PPP2R5D: variants seen among roughly 807,000 people sequenced by gnomAD.
The protein encoded by PPP2R5D is protein phosphatase 2 regulatory subunit B'delta, also known as serine/threonine-protein phosphatase 2A 56 kDa regulatory subunit delta isoform.
PPP2R5D carries 12 observed loss-of-function variants against 79.1 expected under a neutral mutation model. The ratio of observed to expected loss-of-function variants is 0.15; its 90% CI spans 0.10 to 0.25. The LOEUF is 0.25. Ranked by LOEUF, PPP2R5D falls within the 10% of genes least tolerant of loss-of-function variation. The pLI is 1.00. For missense variants in PPP2R5D, 419 were observed against 760.2 expected, an observed-to-expected ratio of 0.55 and a Z score of 5.28; for synonymous variants, 277 against 286.6, an observed-to-expected ratio of 0.97 and a Z score of 0.34.
chr6:43,003,584 C>G (rs1012065402), intron 2 of PPP2R5D, among the ~76,000 whole-genome samples: 1 of 152,106 alleles, frequency 6.6e-6, no homozygotes, highest in Non-Finnish European at 1.5e-5. Flanking sequence ...TCTAATTCTA[C>G]TACAGGAGAT....
At position 43,009,031 on chromosome 6, in the gene PPP2R5D, A is replaced by G; in HGVS notation, c.1081-26A>G. Reference sequence around the variant, plus strand: ...ACCTAGGCAGGTGCAAAGAATTTTCATCCCCATGCCCTCCTTGTCTCCCAG... The same window carrying G: ...ACCTAGGCAGGTGCAAAGAATTTTCGTCCCCATGCCCTCCTTGTCTCCCAG... On this transcript the variant is annotated intron_variant, in intron 10 of 15. Transcript: ENST00000485511. The surrounding 1 kb of genome is among the most constrained non-coding windows in gnomAD (Gnocchi z 5.6). 1.2e-6 allele frequency: 2 copies of G among 1,607,098 alleles called. No homozygotes were observed. Among genetic ancestry groups the G allele is most frequent in the South Asian group, 2.2e-5 (2 of 90,518 alleles).
chr6:43,003,729 T>C (rs1207344618), intron 2 of PPP2R5D, among the ~76,000 whole-genome samples: 1 of 152,024 alleles, frequency 6.6e-6, no homozygotes, highest in Non-Finnish European at 1.5e-5. Context: ...TTTTTATGTA[T>C]GTATGTATGT....
At chr6:43,004,205 T>C (rs892305641) in intron 2 of PPP2R5D, among the ~76,000 whole-genome samples, 1 of 151,970 alleles carries the variant, frequency 6.6e-6, no homozygotes, top group Non-Finnish European at 1.5e-5. Flanking sequence ...TGTATTTTAG[T>C]AGAGACAGGG....
chr6:43,009,133 A>C lies in PPP2R5D; in HGVS notation c.1157A>C (p.Glu386Ala). 3 of 1,614,032 alleles carry C rather than the reference A, an allele frequency of 1.9e-6. No homozygotes were observed. The highest frequency in any genetic ancestry group is 2.5e-6 in the Non-Finnish European group (3 of 1,180,004). ...GTGATGTTCTTGAATGAGCTGGAGG[A>C]GATTCTGGACGTCATTGAACCTTCT... ...KEVMFLNELEEILDVIEPSEF... is the reference protein window; with the variant it reads ...KEVMFLNELEAILDVIEPSEF... Residue 386 changes from glutamate (E) to alanine (A), a missense_variant, in exon 11 of 16, where the codon GAG (glutamate) becomes GCG (alanine). Glu to Ala is a moderately radical substitution (Grantham distance 107). Coordinates refer to ENST00000485511, the MANE Select transcript of PPP2R5D (RefSeq NM_006245.4). This position sits in a 1 kb window ranked among gnomAD's most constrained non-coding sequence, Gnocchi z 5.6.
chr6:42,997,805 C>T (rs956655252), intron 2 of PPP2R5D, among the ~76,000 whole-genome samples: 1 of 151,158 alleles, frequency 6.6e-6, no homozygotes, highest in Non-Finnish European at 1.5e-5. Flanking sequence ...CTCAGCCTCC[C>T]AAACTGCTGG....
Position 43,008,502 on chromosome 6 carries a change from C to G in PPP2R5D, c.1026+27C>G, listed in dbSNP as rs765620576. ...TGAGCTGCCTTCCTCCTTATAATGT[C>G]CAACTCAGGCAGCAGAGAAAAGAGC... On this transcript the variant is annotated intron_variant, in intron 9 of 15. Transcript: ENST00000485511. This position sits in a 1 kb window ranked among gnomAD's most constrained non-coding sequence, Gnocchi z 4.2. 6.4e-7 allele frequency: 1 copy of G among 1,573,194 alleles called. No individual in the cohort carries two copies. Among genetic ancestry groups the G allele is most frequent in the South Asian group, 1.1e-5 (1 of 90,180 alleles).
rs1762280494 is a variant in PPP2R5D, at chr6:43,010,111, G to A, written c.1380-357G>A. Among the ~76,000 whole-genome samples, 1 of 152,070 alleles carries A rather than the reference G, an allele frequency of 6.6e-6. No individual in the cohort carries two copies. Among genetic ancestry groups the A allele is most frequent in the African/African-American group, 2.4e-5 (1 of 41,378 alleles). On this transcript the variant is annotated intron_variant, in intron 12 of 15. Coordinates refer to ENST00000485511, the MANE Select transcript of PPP2R5D (RefSeq NM_006245.4). This position sits in a 1 kb window ranked among gnomAD's most constrained non-coding sequence, Gnocchi z 4.7. ...TTTTGAAAAGACTTTTCTGCTAAAAGCAAGCACACTGTGGTGTAGATGCAG... is the reference window on the plus strand; with the variant it reads ...TTTTGAAAAGACTTTTCTGCTAAAAACAAGCACACTGTGGTGTAGATGCAG...
Position 43,006,546 on chromosome 6 carries a change from G to A in PPP2R5D, c.189G>A (p.Thr63=), listed in dbSNP as rs897087723. 10 of 1,613,838 alleles carry A rather than the reference G, an allele frequency of 6.2e-6. No homozygotes were observed. The highest frequency in any genetic ancestry group is 4.5e-5 in the East Asian group (2 of 44,876). Residue 63 remains threonine (T), a synonymous_variant, in exon 3 of 16, where the codon ACG becomes ACA. Transcript: ENST00000485511. This position sits in a 1 kb window ranked among gnomAD's most constrained non-coding sequence, Gnocchi z 4.7. ...PSSNKRPSNS[T]PPPTQLSKIK... is the part of the protein sequence containing the mutation. ...CCAACAAGCGTCCCAGCAATAGCACGCCGCCCCCCACGCAGCTCAGCAAAA... is the reference window on the plus strand; with the variant it reads ...CCAACAAGCGTCCCAGCAATAGCACACCGCCCCCCACGCAGCTCAGCAAAA...
intron 2 of PPP2R5D, among the ~76,000 whole-genome samples, chr6:42,995,163 C>CTG (rs1343799537): frequency 8.0e-6 from 1 of 125,432 alleles, no homozygotes; most frequent in Non-Finnish European, 1.6e-5. Context: ...TAGGGTCTCA[C>CTG]TGTGTTCCCC....
intron 1 of PPP2R5D, 80 bp downstream of exon 1, chr6:42,984,784 C>T (rs1474102257): frequency 9.5e-6 from 15 of 1,587,000 alleles, no homozygotes; most frequent in Non-Finnish European, 1.3e-5. Context: ...AGGCCCGGGA[C>T]AGCCCCAGAC....
At chr6:43,004,539 T>C (rs1761953582) in intron 2 of PPP2R5D, among the ~76,000 whole-genome samples, 1 of 151,442 alleles carries the variant, frequency 6.6e-6, no homozygotes, top group African/African-American at 2.4e-5. Context: ...ATTAGATTCC[T>C]TTAGATTTTC....
intron 1 of PPP2R5D, 145 bp downstream of exon 1, chr6:42,984,849 G>C (rs1463613436): frequency 1.5e-6 from 2 of 1,308,990 alleles, no homozygotes; most frequent in African/African-American, 1.6e-5. Flanking sequence ...CCGCCCCCGC[G>C]GCTGGCAGCA....
chr6:43,001,604 G>A (rs1466937093), intron 2 of PPP2R5D, among the ~76,000 whole-genome samples: 4 of 152,196 alleles, frequency 2.6e-5, no homozygotes, highest in Non-Finnish European at 5.9e-5. Context: ...CTTCTTTAGG[G>A]CTGGGCACGG....
intron 2 of PPP2R5D, among the ~76,000 whole-genome samples, chr6:42,999,862 TTGG>T: frequency 6.6e-6 from 1 of 151,470 alleles, no homozygotes; most frequent in South Asian, 2.1e-4. Flanking sequence ...TGCCTGGCCA[TTGG>T]TGGAGCATAA....
intron 2 of PPP2R5D, among the ~76,000 whole-genome samples, chr6:42,994,767 A>C (rs1771515672): frequency 6.6e-6 from 1 of 151,632 alleles, no homozygotes; most frequent in African/African-American, 2.4e-5. Context: ...GCAGTGAGCC[A>C]AGATCACGCC....
chr6:42,998,560 G>T (rs1771954128), intron 2 of PPP2R5D, among the ~76,000 whole-genome samples: 1 of 152,100 alleles, frequency 6.6e-6, no homozygotes, highest in African/African-American at 2.4e-5. Flanking sequence ...GTTTGGAAGT[G>T]AAAGTAGTAG....
rs1023974489 is a variant in PPP2R5D at position 43,012,172 on chromosome 6, G to A, written c.*886G>A. The A allele has an allele frequency of 1.8e-6, 2 of 1,101,938 alleles. No homozygotes were observed. Among genetic ancestry groups the A allele is most frequent in the Non-Finnish European group, 2.2e-6 (2 of 904,304 alleles). 68.3% of individuals were successfully genotyped at this position (1,101,938 alleles called of 1,614,324 possible). A position where few individuals can be genotyped will look rare whatever the true frequency, so the allele number is the denominator to read the frequency against. ...CTTGTCCCTTATAGGTACCTTGGAG[G>A]GGCCAGGGGCTGAGGAAGGCCGGAC... On this transcript the variant is annotated 3_prime_UTR_variant, in exon 16 of 16. Coordinates refer to ENST00000485511, the MANE Select transcript of PPP2R5D (RefSeq NM_006245.4).
Position 43,008,615 on chromosome 6 carries a change from A to G in PPP2R5D, c.1027-78A>G. The G allele has an allele frequency of 6.5e-7, 1 of 1,531,906 alleles. No homozygotes were observed. The highest frequency in any genetic ancestry group is 1.1e-5 in the South Asian group (1 of 88,924). The allele number at this position is 1,531,906 out of a possible 1,614,324, so 94.9% of individuals were successfully genotyped here. A position where few individuals can be genotyped will look rare whatever the true frequency, so the allele number is the denominator to read the frequency against. On this transcript the variant is annotated intron_variant, in intron 9 of 15. Coordinates refer to ENST00000485511, the MANE Select transcript of PPP2R5D (RefSeq NM_006245.4). The surrounding 1 kb of genome is among the most constrained non-coding windows in gnomAD (Gnocchi z 4.2). ...CCTCCATCTCCCCTTCCCTTCTGGGATCTTGTTTCTATCACTGACTTCTCT... is the reference window on the plus strand; with the variant it reads ...CCTCCATCTCCCCTTCCCTTCTGGGGTCTTGTTTCTATCACTGACTTCTCT...
chr6:42,988,565 T>C (rs1771019284), intron 1 of PPP2R5D, among the ~76,000 whole-genome samples: 1 of 152,226 alleles, frequency 6.6e-6, no homozygotes, highest in African/African-American at 2.4e-5. Context: ...CCATCCCTCA[T>C]GACTCCTCCC....
Sources: gnomAD v4.1 joint callset for allele counts (sites outside exome capture counted in the v4.1 genomes callset) on GRCh38, gnomAD v4.1.1 for gene constraint, Gnocchi (gnomAD v3.1) non-coding constraint, MANE v1.5 for transcripts, NCBI Gene and HGNC (gene_info 2026-07-23, HGNC 2026-07-21) for gene names.